The following PCDH9 variants were observed in gnomAD, a reference collection of about 807,000 sequenced individuals.
The protein encoded by PCDH9 is protocadherin-9.
Under a neutral mutation model 70.6 loss-of-function variants are expected in PCDH9, and 24 were observed. The ratio of observed to expected loss-of-function variants is 0.34; its 90% CI spans 0.25 to 0.48. PCDH9 has a LOEUF of 0.48. PCDH9 is among the 20% of genes least tolerant of loss of function. The pLI is 0.99. For synonymous variants in PCDH9, 562 were observed against 558.5 expected (o/e 1.01, Z -0.09); for missense variants, 1,281 against 1,503.6 (o/e 0.85, Z 2.45).
chr13:66,982,222 G>C (rs974463081), intron 2 of PCDH9, among the ~76,000 whole-genome samples: 1 of 152,178 alleles, frequency 6.6e-6, no homozygotes, highest in East Asian at 1.9e-4. Context: ...TAGAAACCGA[G>C]CGATGTCAGC....
At chr13:66,772,715 T>C (rs1240930381) in intron 3 of PCDH9, among the ~76,000 whole-genome samples, 1 of 151,980 alleles carries the variant, frequency 6.6e-6, no homozygotes, top group African/African-American at 2.4e-5. Flanking sequence ...ACTATGAAAA[T>C]ATCACAGTAA....
intron 4 of PCDH9, among the ~76,000 whole-genome samples, chr13:66,371,412 T>A (rs915977066): frequency 1.3e-5 from 2 of 152,068 alleles, no homozygotes; most frequent in Admixed American, 6.6e-5. Context: ...CTTTTTGACA[T>A]TCTGTATACT....
intron 4 of PCDH9, among the ~76,000 whole-genome samples, chr13:66,330,008 C>T (rs370093028): frequency 2.1e-4 from 32 of 152,316 alleles, no homozygotes; most frequent in African/African-American, 7.5e-4. Flanking sequence ...ACTTAAACTG[C>T]ATCTTTTCAG....
At chr13:66,783,364 T>C (rs1170890864) in intron 3 of PCDH9, among the ~76,000 whole-genome samples, 1 of 152,146 alleles carries the variant, frequency 6.6e-6, no homozygotes, top group Non-Finnish European at 1.5e-5. Context: ...AGGCTTTGTA[T>C]GCTGGAGCCA....
intron 3 of PCDH9, among the ~76,000 whole-genome samples, chr13:66,855,653 G>T (rs904458915): frequency 6.6e-6 from 1 of 151,838 alleles, no homozygotes; most frequent in African/African-American, 2.4e-5. Flanking sequence ...TGTTATTATT[G>T]TCCTTATTAT....
intron 2 of PCDH9, among the ~76,000 whole-genome samples, chr13:67,000,472 A>T (rs2084219927): frequency 7.2e-6 from 1 of 139,146 alleles, no homozygotes; most frequent in African/African-American, 2.6e-5. Context: ...CCTAAAACTT[A>T]AAGTATAATA....
intron 4 of PCDH9, among the ~76,000 whole-genome samples, chr13:66,577,980 C>T (rs569734593): frequency 7.2e-5 from 11 of 152,170 alleles, no homozygotes; most frequent in Non-Finnish European, 1.3e-4. Flanking sequence ...ATCACAACTA[C>T]TGATTAGCTT....
intron 4 of PCDH9, among the ~76,000 whole-genome samples, chr13:66,523,994 T>G (rs775500507): frequency 6.6e-6 from 1 of 152,010 alleles, no homozygotes; most frequent in Non-Finnish European, 1.5e-5. Context: ...CATCGCTCAT[T>G]ATGAGGCGGT....
At chr13:67,193,604 C>T (rs2088979671) in intron 2 of PCDH9, among the ~76,000 whole-genome samples, 1 of 152,032 alleles carries the variant, frequency 6.6e-6, no homozygotes, top group Admixed American at 6.6e-5. Flanking sequence ...AAATAAATGT[C>T]ATATAAATAA....
chr13:66,476,650 T>C (rs1189550685), intron 4 of PCDH9, among the ~76,000 whole-genome samples: 1 of 152,056 alleles, frequency 6.6e-6, no homozygotes, highest in African/African-American at 2.4e-5. Context: ...TGTATAATTC[T>C]GACATGTCCA....
intron 1 of PCDH9, among the ~76,000 whole-genome samples, chr13:67,229,169 T>A (rs935072678): frequency 2.6e-5 from 4 of 152,244 alleles, no homozygotes; most frequent in African/African-American, 9.6e-5. Context: ...ACATCCTCAT[T>A]GCCTAAAAGC....
At chr13:67,014,223 T>G (rs967813185) in intron 2 of PCDH9, among the ~76,000 whole-genome samples, 2 of 152,122 alleles carry the variant, frequency 1.3e-5, no homozygotes, top group East Asian at 3.9e-4. Context: ...ACAGCTCTTC[T>G]GAGCCTGGCC....
Position 67,073,959 on chromosome 13 carries a change from G to A in PCDH9, c.3036+151446C>T, listed in dbSNP as rs866879514. On this transcript the variant is annotated intron_variant, in intron 2 of 4. Transcript: ENST00000377865. Reference sequence around the variant, plus strand: ...TTGGGGCCTTAACCTGGATTTCACTGCAGTTTTGCACTATAGACTTTCTGA... The same window carrying A: ...TTGGGGCCTTAACCTGGATTTCACTACAGTTTTGCACTATAGACTTTCTGA... 2.6e-5 allele frequency among the ~76,000 whole-genome samples: 4 copies of A among 152,008 alleles called. No homozygotes were observed. In the South Asian group the frequency reaches 8.3e-4, roughly 32 times the overall value.
intron 3 of PCDH9, among the ~76,000 whole-genome samples, chr13:66,721,172 CTGA>C (rs1279703904): frequency 6.6e-6 from 1 of 152,066 alleles, no homozygotes; most frequent in African/African-American, 2.4e-5. Context: ...ACAGGCTGTG[CTGA>C]TGATATTTGA....
rs139687885 is a variant in PCDH9, at chr13:66,993,919, A to G, written c.3037-90314T>C. Among the ~76,000 whole-genome samples the G allele has an allele frequency of 5.9e-3, 898 of 152,284 alleles. 10 individuals are homozygous for G. Among genetic ancestry groups the G allele is most frequent in the African/African-American group, 0.02 (849 of 41,554 alleles). ...GCATCAGCCGAGATCTAGTTGGAAT[A>G]CAGAGAGCCCGTTAGTTGTTTAAAC... is the stretch of plus-strand genomic sequence containing the variant. On this transcript the variant is annotated intron_variant, in intron 2 of 4. Coordinates refer to ENST00000377865, the MANE Select transcript of PCDH9 (RefSeq NM_203487.3).
chr13:66,587,370 AC>A (rs1212943916), intron 4 of PCDH9, among the ~76,000 whole-genome samples: 5 of 152,042 alleles, frequency 3.3e-5, no homozygotes, highest in Non-Finnish European at 7.4e-5. Flanking sequence ...AAACATACAA[AC>A]AAAAAGAACA....
intron 3 of PCDH9, among the ~76,000 whole-genome samples, chr13:66,786,523 C>T (rs116436337): frequency 0.011 from 1,607 of 152,228 alleles, 33 homozygotes; most frequent in African/African-American, 0.037. Flanking sequence ...TTCTCAGTGA[C>T]GTTATTGAGC....
At chr13:66,800,364 T>C (rs1325820845) in intron 3 of PCDH9, among the ~76,000 whole-genome samples, 1 of 152,154 alleles carries the variant, frequency 6.6e-6, no homozygotes, top group Admixed American at 6.6e-5. Context: ...CTATTCAAAA[T>C]GAAATTTAAC....
chr13:66,674,335 G>T (rs1159692550), intron 3 of PCDH9, among the ~76,000 whole-genome samples: 1 of 151,906 alleles, frequency 6.6e-6, no homozygotes, highest in Non-Finnish European at 1.5e-5. Flanking sequence ...ATTCTGTTTT[G>T]ACTCTTCATA....
Sources: gnomAD v4.1 joint callset for allele counts (sites outside exome capture counted in the v4.1 genomes callset) on GRCh38, gnomAD v4.1.1 for gene constraint, MANE v1.5 for transcripts, NCBI Gene and HGNC (gene_info 2026-07-23, HGNC 2026-07-21) for gene names.